MECOM: variants seen among roughly 807,000 people sequenced by gnomAD.
MECOM encodes histone-lysine N-methyltransferase MECOM.
A neutral mutation model predicts 116.3 loss-of-function variants in MECOM; 13 were observed. That is an observed-to-expected ratio of 0.11 (90% CI 0.07 to 0.18). The LOEUF (loss-of-function observed/expected upper bound fraction) is 0.18. Among genes scored for constraint, MECOM ranks in the 10% least tolerant of loss-of-function variants. The probability of loss-of-function intolerance (pLI) is 1.00; values close to 1 mark genes in which losing one functional copy is unlikely to be tolerated. For synonymous variants in MECOM, 528 were observed against 535.2 expected (o/e 0.99, Z 0.19); for missense variants, 1,299 against 1,509.0 (o/e 0.86, Z 2.31).
intron 1 of MECOM, 112 bp from the exon 2 acceptor site, chr3:169,381,636 T>G: frequency 2.6e-6 from 2 of 771,554 alleles, no homozygotes; most frequent in African/African-American, 1.8e-5. Flanking sequence ...GAAAGACCAT[T>G]GTTACGATGT....
At chr3:169,307,008 G>A (rs1360303432) in intron 2 of MECOM, among the ~76,000 whole-genome samples, 1 of 152,104 alleles carries the variant, frequency 6.6e-6, no homozygotes, top group East Asian at 1.9e-4. Context: ...GCCAACATTT[G>A]GGATTTAACA....
intron 2 of MECOM, among the ~76,000 whole-genome samples, chr3:169,191,746 GAAAGAAAGA>G (rs1747677919): frequency 8.3e-6 from 1 of 120,768 alleles, no homozygotes; most frequent in African/African-American, 3.1e-5. Context: ...GAAAGAGAAA[GAAAGAAAGA>G]AAGAAAGAAA....
At chr3:169,631,251 C>T (rs1414898075) in intron 1 of MECOM, among the ~76,000 whole-genome samples, 1 of 152,214 alleles carries the variant, frequency 6.6e-6, no homozygotes, top group African/African-American at 2.4e-5. Flanking sequence ...GCAATAGCTA[C>T]TTCATGATTT....
At chr3:169,222,109 C>T (rs1752209538) in intron 2 of MECOM, among the ~76,000 whole-genome samples, 1 of 152,176 alleles carries the variant, frequency 6.6e-6, no homozygotes, top group Non-Finnish European at 1.5e-5. Flanking sequence ...TACTGGAGAA[C>T]ACAGACAGAG....
At chr3:169,156,472 A>G (rs1245866016) in intron 2 of MECOM, among the ~76,000 whole-genome samples, 3 of 152,208 alleles carry the variant, frequency 2.0e-5, no homozygotes, top group Non-Finnish European at 4.4e-5. Context: ...GTCCCCACAA[A>G]ACAGTCATAA....
chr3:169,326,747 A>C (rs753077635), intron 2 of MECOM, among the ~76,000 whole-genome samples: 1 of 152,218 alleles, frequency 6.6e-6, no homozygotes, highest in Non-Finnish European at 1.5e-5. Context: ...TGTGAAATTA[A>C]ATATTAATTT....
chr3:169,170,399 CTG>C (rs1450384378), intron 2 of MECOM, among the ~76,000 whole-genome samples: 28 of 96,968 alleles, frequency 2.9e-4, no homozygotes, highest in African/African-American at 1.4e-3. Flanking sequence ...GAGCAAGACT[CTG>C]TCAAAAAAAA....
chr3:169,453,420 T>C (rs1745935264), intron 1 of MECOM, among the ~76,000 whole-genome samples: 1 of 152,174 alleles, frequency 6.6e-6, no homozygotes, highest in Non-Finnish European at 1.5e-5. Context: ...AAAACTGGGC[T>C]CCTAGCCACA....
At chr3:169,385,524 A>T (rs1379832356) in intron 1 of MECOM, among the ~76,000 whole-genome samples, 1 of 152,298 alleles carries the variant, frequency 6.6e-6, no homozygotes, top group East Asian at 1.9e-4. Context: ...CGAAAATATT[A>T]AACTGCTGAG....
At chr3:169,339,081 G>A (rs536827729) in intron 2 of MECOM, among the ~76,000 whole-genome samples, 1 of 152,244 alleles carries the variant, frequency 6.6e-6, no homozygotes, top group East Asian at 1.9e-4. Context: ...AATTAGGTAA[G>A]ACAAATGAAA....
intron 2 of MECOM, among the ~76,000 whole-genome samples, chr3:169,334,063 A>G (rs562661388): frequency 2.4e-4 from 37 of 152,144 alleles, no homozygotes; most frequent in African/African-American, 8.9e-4. Flanking sequence ...TAAATAAAAA[A>G]CTTTCTAGAA....
intron 1 of MECOM, among the ~76,000 whole-genome samples, chr3:169,522,930 T>C (rs1757525861): frequency 6.6e-6 from 1 of 152,320 alleles, no homozygotes; most frequent in East Asian, 1.9e-4. Context: ...AGATCCAGCA[T>C]CTGAAGACTT....
chr3:169,230,260 T>A (rs546322194), intron 2 of MECOM, among the ~76,000 whole-genome samples: 70 of 150,354 alleles, frequency 4.7e-4, no homozygotes, highest in South Asian at 8.4e-4. Flanking sequence ...AAAAAAAAGG[T>A]TCTGGATTGC....
intron 2 of MECOM, among the ~76,000 whole-genome samples, chr3:169,209,009 T>A (rs770659771): frequency 6.6e-6 from 1 of 150,890 alleles, no homozygotes; most frequent in African/African-American, 2.4e-5. Context: ...TATAGAACAA[T>A]GGAACAGAAC....
At chr3:169,187,186 G>C (rs1746894971) in intron 2 of MECOM, among the ~76,000 whole-genome samples, 1 of 152,098 alleles carries the variant, frequency 6.6e-6, no homozygotes, top group Non-Finnish European at 1.5e-5. Context: ...TCAAATTCAA[G>C]AGGGTGCCTT....
intron 1 of MECOM, among the ~76,000 whole-genome samples, chr3:169,498,848 GAGCATTAGCATC>G (rs756214032): frequency 1.4e-4 from 21 of 152,052 alleles, no homozygotes; most frequent in Non-Finnish European, 2.6e-4. Flanking sequence ...AGAGGAAAAG[GAGCATTAGCATC>G]AGTGAAACAA....
At chr3:169,335,928 G>T (rs1286945005) in intron 2 of MECOM, among the ~76,000 whole-genome samples, 2 of 151,936 alleles carry the variant, frequency 1.3e-5, no homozygotes, top group African/African-American at 2.4e-5. Context: ...ATTAGTTTTG[G>T]TGTTCCTATA....
chr3:169,523,060 A>T (rs1757542025), intron 1 of MECOM, among the ~76,000 whole-genome samples: 1 of 152,250 alleles, frequency 6.6e-6, no homozygotes, highest in Non-Finnish European at 1.5e-5. Flanking sequence ...TTGAAAAATT[A>T]AAATTAAGGT....
In MECOM at chr3:169,240,190, T is replaced by C. The variant is rs1317811613; in HGVS notation, c.376-96358A>G. On this transcript the variant is annotated intron_variant, in intron 2 of 16. Coordinates refer to ENST00000651503, the MANE Select transcript of MECOM (RefSeq NM_004991.4). ...GAAAATATTCTGAAGACCTTTGTGA[T>C]TGCTTCTTTGACCCCCAGACAAATA... Among the ~76,000 whole-genome samples, 3 of 152,208 alleles carry C rather than the reference T, an allele frequency of 2.0e-5. No homozygotes were observed. The East Asian group carries it at 5.8e-4, about 29-fold the overall frequency.
Sources: allele counts gnomAD v4.1 joint callset (sites outside exome capture counted in the v4.1 genomes callset), GRCh38; gene constraint gnomAD v4.1.1; transcripts MANE v1.5; gene names NCBI Gene and HGNC (gene_info 2026-07-23, HGNC 2026-07-21).